Variants in MPC1 observed in about 807,000 individuals in gnomAD.
The protein encoded by MPC1 is mitochondrial pyruvate carrier 1.
MPC1 carries 6 observed loss-of-function variants against 13.9 expected under a neutral mutation model. That is an observed-to-expected ratio of 0.43 (90% CI 0.24 to 0.85). The LOEUF (loss-of-function observed/expected upper bound fraction) is 0.85. MPC1 is among the 40% of genes least tolerant of loss of function. The pLI is 0.24. For synonymous variants in MPC1, 47 were observed against 50.5 expected, an observed-to-expected ratio of 0.93 and a Z score of 0.29; for missense variants, 115 against 143.3, an observed-to-expected ratio of 0.80 and a Z score of 1.01.
At chr6:166,373,315 C>T (rs1779450125) in intron 1 of MPC1, among the ~76,000 whole-genome samples, 2 of 152,202 alleles carry the variant, frequency 1.3e-5, no homozygotes, top group Admixed American at 1.3e-4. Flanking sequence ...CTTGCAACCA[C>T]CGATCTTTCG....
Position 166,366,085 on chromosome 6 carries a change from G to A in MPC1, c.194C>T (p.Thr65Ile), listed in dbSNP as rs1583055367. 3 of 1,613,898 alleles carry A rather than the reference G, an allele frequency of 1.9e-6. No homozygotes were observed. Among genetic ancestry groups the A allele is most frequent in the Non-Finnish European group, 2.5e-6 (3 of 1,179,890 alleles). ...TACCTTGTAGGCAAATCTCATGAAT[G>A]TCAAAGAATAGCAACAGAGGGCTGC... Reference protein sequence around the residue: ...MTFALCCYSLTFMRFAYKVQP... With the variant: ...MTFALCCYSLIFMRFAYKVQP... The change falls in exon 4 of 5, where the codon ACA (threonine) becomes ATA (isoleucine). Residue 65 changes from threonine to isoleucine, a missense_variant. By Grantham distance (89) the Thr-to-Ile change is moderately conservative. Transcript: ENST00000360961.
At chr6:166,378,143 G>C (rs193256956) in intron 1 of MPC1, among the ~76,000 whole-genome samples, 1 of 152,278 alleles carries the variant, frequency 6.6e-6, no homozygotes, top group East Asian at 1.9e-4. Flanking sequence ...AATTTCTAAG[G>C]CCTGTTCCAA....
At chr6:166,371,344 T>C (rs1179409815) in intron 1 of MPC1, among the ~76,000 whole-genome samples, 1 of 152,226 alleles carries the variant, frequency 6.6e-6, no homozygotes, top group East Asian at 1.9e-4. Flanking sequence ...AATGCTGTTT[T>C]CCAGAATGTT....
intron 1 of MPC1, among the ~76,000 whole-genome samples, chr6:166,374,638 T>G (rs1355930025): frequency 1.3e-5 from 2 of 152,238 alleles, no homozygotes; most frequent in African/African-American, 4.8e-5. Context: ...GTTTCTGTTT[T>G]GCAATTGCAT....
chr6:166,371,988 G>C (rs1779397860), intron 1 of MPC1, among the ~76,000 whole-genome samples: 1 of 152,116 alleles, frequency 6.6e-6, no homozygotes, highest in Non-Finnish European at 1.5e-5. Flanking sequence ...ATGTGCTTCA[G>C]ATAGGTTATA....
At chr6:166,378,550 C>G (rs533779122) in intron 1 of MPC1, among the ~76,000 whole-genome samples, 56 of 152,106 alleles carry the variant, frequency 3.7e-4, no homozygotes, top group Non-Finnish European at 4.9e-4. Context: ...TATGTCCTAC[C>G]TCAAAACTGT....
chr6:166,369,437 A>C (rs1050280630), intron 2 of MPC1: 1 of 154,422 alleles, frequency 6.5e-6, no homozygotes, highest in Non-Finnish European at 1.5e-5. Context: ...AAAAAGTTTA[A>C]GTGTGATGAG....
At chr6:166,372,831 G>T (rs1779429676) in intron 1 of MPC1, among the ~76,000 whole-genome samples, 1 of 151,676 alleles carries the variant, frequency 6.6e-6, no homozygotes, top group Admixed American at 6.6e-5. Flanking sequence ...AAATATTCTT[G>T]ATTTTCTCTT....
chr6:166,379,842 G>A (rs2114978997), intron 1 of MPC1, among the ~76,000 whole-genome samples: 1 of 152,344 alleles, frequency 6.6e-6, no homozygotes, highest in East Asian at 1.9e-4. Context: ...GAAAAGCCGG[G>A]CTGTAAGCGT....
intron 1 of MPC1, among the ~76,000 whole-genome samples, chr6:166,375,808 T>A (rs1285782972): frequency 6.6e-6 from 1 of 152,218 alleles, no homozygotes; most frequent in East Asian, 1.9e-4. Flanking sequence ...CAGAATATAA[T>A]TTATCTTGGT....
chr6:166,366,117 TAGCAG>T lies in MPC1; in HGVS notation c.173-16_173-12del. The T allele has an allele frequency of 6.2e-7, 1 of 1,612,590 alleles. No homozygotes were observed. On this transcript the variant is annotated splice_polypyrimidine_tract_variant and intron_variant, in intron 3 of 4. Transcript: ENST00000360961. Reference sequence around the variant, plus strand: ...AATAGCAACAGAGGGCTGCCAAAAATAGCAGAGCAAAGACAATCAATAACTTAGAA... The same window carrying T: ...AATAGCAACAGAGGGCTGCCAAAAATAGCAAAGACAATCAATAACTTAGAA...
intron 1 of MPC1, among the ~76,000 whole-genome samples, chr6:166,371,705 G>A (rs1207496751): frequency 6.6e-6 from 1 of 152,148 alleles, no homozygotes; most frequent in Non-Finnish European, 1.5e-5. Flanking sequence ...GTGGATGCTT[G>A]AAACCGTGGA....
At position 166,382,926 on chromosome 6, in the gene MPC1, C is replaced by T. The variant is rs745449909; in HGVS notation, c.-50G>A. The T allele has an allele frequency of 2.6e-6, 4 of 1,557,584 alleles. No individual in the cohort carries two copies. Among genetic ancestry groups the T allele is most frequent in the East Asian group, 2.5e-5 (1 of 39,826 alleles). On this transcript the variant is annotated 5_prime_UTR_variant, in exon 1 of 5. Transcript: ENST00000360961. ...GTGGTCCCTGCCTCTGCTGCCGCTT[C>T]CCAGAGCCAATGACACCCCGGCCAA...
At chr6:166,368,149 C>A (rs1036515734) in intron 2 of MPC1, among the ~76,000 whole-genome samples, 6 of 152,164 alleles carry the variant, frequency 3.9e-5, no homozygotes, top group African/African-American at 1.4e-4. Flanking sequence ...ATTCAGACTG[C>A]ATGTTATCTA....
chr6:166,380,765 C>A (rs987219032), intron 1 of MPC1, among the ~76,000 whole-genome samples: 12 of 151,814 alleles, frequency 7.9e-5, no homozygotes, highest in African/African-American at 2.7e-4. Flanking sequence ...CATGGAGAAA[C>A]CCCGTCTCTA....
At position 166,364,972 on chromosome 6, in the gene MPC1, T is replaced by C. The variant is rs1396923227; in HGVS notation, c.*457A>G. 1 of 154,156 alleles carries C rather than the reference T, an allele frequency of 6.5e-6. No homozygotes were observed. Among genetic ancestry groups the C allele is most frequent in the African/African-American group, 2.4e-5 (1 of 41,530 alleles). 9.5% of individuals were successfully genotyped at this position (154,156 alleles called of 1,614,324 possible). A position where few individuals can be genotyped will look rare whatever the true frequency, so the allele number is the denominator to read the frequency against. Reference sequence around the variant, plus strand: ...CATTAAGTTACAGCATCTCAATATATACACTGCATGGAAATACACAGGTAA... The same window carrying C: ...CATTAAGTTACAGCATCTCAATATACACACTGCATGGAAATACACAGGTAA... On this transcript the variant is annotated 3_prime_UTR_variant, in exon 5 of 5. Coordinates refer to ENST00000360961, the MANE Select transcript of MPC1 (RefSeq NM_016098.4).
rs1450013847 is a variant in MPC1 at position 166,382,680 on chromosome 6, G to A, written c.71+126C>T. On this transcript the variant is annotated intron_variant, in intron 1 of 4. Transcript: ENST00000360961. The stretch of plus-strand genomic sequence containing the variant: ...CCCTGACAAGCGCACCCTCTCGCCT[G>A]GGCCCCGGCCCACCCGCTGCCCGGG... The A allele has an allele frequency of 5.1e-6, 5 of 972,468 alleles. No individual in the cohort carries two copies. The African/African-American group carries it at 7.0e-5, about 14-fold the overall frequency. The allele number at this position is 972,468 out of a possible 1,614,324, so 60.2% of individuals were successfully genotyped here. A position where few individuals can be genotyped will look rare whatever the true frequency, so the allele number is the denominator to read the frequency against.
intron 2 of MPC1, among the ~76,000 whole-genome samples, chr6:166,367,862 G>A (rs767223702): frequency 2.6e-5 from 4 of 152,212 alleles, no homozygotes; most frequent in Non-Finnish European, 5.9e-5. Flanking sequence ...TACTATTGAC[G>A]AGGGGTTAAA....
chr6:166,368,922 G>T (rs555638449), intron 2 of MPC1: 2 of 985,360 alleles, frequency 2.0e-6, no homozygotes, highest in African/African-American at 3.5e-5. Flanking sequence ...ACTTTATCAT[G>T]CATGAACCCA....
Sources: allele counts gnomAD v4.1 joint callset (sites outside exome capture counted in the v4.1 genomes callset), GRCh38; gene constraint gnomAD v4.1.1; transcripts MANE v1.5; gene names NCBI Gene and HGNC (gene_info 2026-07-23, HGNC 2026-07-21).